Variants in TBC1D32 observed in about 807,000 individuals in gnomAD.
TBC1D32 encodes protein broad-minded.
In TBC1D32, 151 loss-of-function variants were observed where a neutral mutation model predicts 170.3. That is an observed-to-expected ratio of 0.89 (90% CI 0.78 to 1.01). The LOEUF (loss-of-function observed/expected upper bound fraction) is 1.01, where lower values mean the gene tolerates loss of function less well. TBC1D32 is among the 50% of genes least tolerant of loss of function. The probability of loss-of-function intolerance (pLI) is 0.00; values close to 1 mark genes in which losing one functional copy is unlikely to be tolerated. For synonymous variants in TBC1D32, 498 were observed against 488.0 expected, an observed-to-expected ratio of 1.02 and a Z score of -0.27; for missense variants, 1,464 against 1,457.1, an observed-to-expected ratio of 1.00 and a Z score of -0.08.
chr6:121,102,056 G>C (rs1032670997), intron 30 of TBC1D32, among the ~76,000 whole-genome samples: 9 of 152,018 alleles, frequency 5.9e-5, no homozygotes, highest in Admixed American at 5.2e-4. Context: ...TCGTCAAGGA[G>C]AACTACAAAC....
intron 2 of TBC1D32, among the ~76,000 whole-genome samples, chr6:121,319,461 C>A (rs1809390621): frequency 6.6e-6 from 1 of 152,154 alleles, no homozygotes; most frequent in African/African-American, 2.4e-5. Context: ...TTCTCTCCTT[C>A]CACAGTGATT....
intron 24 of TBC1D32, among the ~76,000 whole-genome samples, chr6:121,132,839 T>C (rs1200205182): frequency 1.3e-5 from 2 of 151,936 alleles, no homozygotes; most frequent in African/African-American, 2.4e-5. Flanking sequence ...ACGAATAATA[T>C]AGTAAATGAA....
intron 23 of TBC1D32, 116 bp downstream of exon 23, chr6:121,160,832 T>C (rs1220145895): frequency 2.6e-6 from 2 of 759,496 alleles, no homozygotes; most frequent in African/African-American, 1.8e-5. Context: ...AAGTAATAAG[T>C]TCAACTCTGT....
Position 121,160,113 on chromosome 6 carries a change from A to C in TBC1D32, c.2680-10T>G. 1 of 1,537,170 alleles carries C rather than the reference A, an allele frequency of 6.5e-7. No homozygotes were observed. The highest frequency in any genetic ancestry group is 9.0e-7 in the Non-Finnish European group (1 of 1,116,046). The stretch of plus-strand genomic sequence containing the variant: ...GATATGGATTATCACTCTAAAAAAG[A>C]AGCAAGACAGATGACTTTAGGAAGT... On this transcript the variant is annotated splice_polypyrimidine_tract_variant and intron_variant, in intron 23 of 31. Transcript: ENST00000398212.
intron 15 of TBC1D32, among the ~76,000 whole-genome samples, chr6:121,275,019 A>T (rs1802030956): frequency 6.6e-6 from 1 of 152,216 alleles, no homozygotes; most frequent in Admixed American, 6.5e-5. Flanking sequence ...AAGAATAGAA[A>T]AGTAACAAAA....
intron 30 of TBC1D32, among the ~76,000 whole-genome samples, chr6:121,093,164 T>C (rs1562453709): frequency 6.6e-6 from 1 of 152,154 alleles, no homozygotes; most frequent in Non-Finnish European, 1.5e-5. Flanking sequence ...ACTGTTTACT[T>C]GGAATTAATA....
At chr6:121,247,721 CAA>C (rs1166667670) in intron 17 of TBC1D32, among the ~76,000 whole-genome samples, 78 of 72,052 alleles carry the variant, frequency 1.1e-3, no homozygotes, top group African/African-American at 3.8e-3. Flanking sequence ...AAAAAAAAGA[CAA>C]AGAAGGACAT....
At chr6:121,330,657 TA>T (rs1159861290) in intron 1 of TBC1D32, among the ~76,000 whole-genome samples, 1 of 152,144 alleles carries the variant, frequency 6.6e-6, no homozygotes, top group East Asian at 1.9e-4. Context: ...AGCTTTGCTT[TA>T]AAACCTCCAG....
At chr6:121,281,504 AG>A (rs763404456) in intron 14 of TBC1D32, 39 bp downstream of exon 14, 40 of 1,549,298 alleles carry the variant, frequency 2.6e-5, no homozygotes, top group Non-Finnish European at 3.3e-5. Flanking sequence ...ACTAATACCC[AG>A]GTAAGAGACT....
intron 30 of TBC1D32, among the ~76,000 whole-genome samples, chr6:121,093,931 G>C (rs1044395388): frequency 6.6e-6 from 1 of 151,926 alleles, no homozygotes; most frequent in Non-Finnish European, 1.5e-5. Context: ...TATGTACAAG[G>C]TAATATTATC....
intron 12 of TBC1D32, 118 bp from the exon 13 acceptor site, chr6:121,284,028 T>A: frequency 2.9e-6 from 2 of 701,546 alleles, no homozygotes. Flanking sequence ...TACGAGGCAA[T>A]CAGGAAGAAG....
At chr6:121,222,694 G>A (rs937609871) in intron 21 of TBC1D32, among the ~76,000 whole-genome samples, 51 of 151,814 alleles carry the variant, frequency 3.4e-4, no homozygotes, top group African/African-American at 1.1e-3. Flanking sequence ...GTTTCTATGT[G>A]TTTAATTCAT....
At chr6:121,187,607 T>G (rs942634979) in intron 22 of TBC1D32, among the ~76,000 whole-genome samples, 4 of 152,026 alleles carry the variant, frequency 2.6e-5, no homozygotes. Flanking sequence ...CATCTCTTCC[T>G]ACTGAGAAAG....
At chr6:121,112,735 G>T (rs1779309276) in intron 28 of TBC1D32, 76 bp from the exon 29 acceptor site, 2 of 1,203,538 alleles carry the variant, frequency 1.7e-6, no homozygotes, top group East Asian at 2.9e-5. Context: ...AAAATAAAAT[G>T]AATATATTAA....
chr6:121,175,333 G>T (rs785400), intron 22 of TBC1D32, among the ~76,000 whole-genome samples: 124,186 of 152,130 alleles, frequency 0.82, 53,391 homozygotes, highest in Non-Finnish European at 0.94. Flanking sequence ...TAGGGCAACT[G>T]TATGAGTAAA....
At chr6:121,086,275 T>C (rs1001676296) in intron 31 of TBC1D32, among the ~76,000 whole-genome samples, 2 of 152,096 alleles carry the variant, frequency 1.3e-5, no homozygotes, top group Admixed American at 6.6e-5. Flanking sequence ...GTACTCGAGC[T>C]CACACAGTGA....
At chr6:121,248,145 T>C (rs1797857928) in intron 17 of TBC1D32, among the ~76,000 whole-genome samples, 1 of 152,048 alleles carries the variant, frequency 6.6e-6, no homozygotes, top group Admixed American at 6.6e-5. Context: ...GGAATAAAAT[T>C]GGAAATCAAC....
intron 11 of TBC1D32, among the ~76,000 whole-genome samples, chr6:121,292,564 T>A (rs1367542020): frequency 6.6e-6 from 1 of 152,158 alleles, no homozygotes; most frequent in African/African-American, 2.4e-5. Context: ...TAAAAGCCAG[T>A]ATTACAAAAG....
At chr6:121,130,972 A>G (rs1482960780) in intron 25 of TBC1D32, among the ~76,000 whole-genome samples, 1 of 152,130 alleles carries the variant, frequency 6.6e-6, no homozygotes. Context: ...CCAAGAACTA[A>G]CAATATAAAA....
Sources: gnomAD v4.1 joint callset for allele counts (sites outside exome capture counted in the v4.1 genomes callset) on GRCh38, gnomAD v4.1.1 for gene constraint, MANE v1.5 for transcripts, NCBI Gene and HGNC (gene_info 2026-07-23, HGNC 2026-07-21) for gene names.